SLC24A3: variants seen among roughly 807,000 people sequenced by gnomAD.
The protein encoded by SLC24A3 is solute carrier family 24 member 3.
Under a neutral mutation model 75.8 loss-of-function variants are expected in SLC24A3, and 28 were observed. The ratio of observed to expected loss-of-function variants is 0.37; its 90% CI spans 0.27 to 0.51. The LOEUF is 0.51. Among genes scored for constraint, SLC24A3 ranks in the 20% least tolerant of loss-of-function variants. The pLI is 0.94. For synonymous variants in SLC24A3, 372 were observed against 334.1 expected, an observed-to-expected ratio of 1.11 and a Z score of -1.24; for missense variants, 663 against 847.8, an observed-to-expected ratio of 0.78 and a Z score of 2.71.
At chr20:19,317,640 T>G (rs564491534) in intron 2 of SLC24A3, among the ~76,000 whole-genome samples, 1 of 152,192 alleles carries the variant, frequency 6.6e-6, no homozygotes, top group African/African-American at 2.4e-5. Context: ...GGAAGATCTG[T>G]TCCTCCTTTG....
intron 6 of SLC24A3, among the ~76,000 whole-genome samples, chr20:19,625,969 C>A (rs1480055088): frequency 1.3e-5 from 2 of 152,044 alleles, no homozygotes. Flanking sequence ...TTATTGAATT[C>A]TATTTTTCTT....
At chr20:19,365,318 A>G (rs1600449919) in intron 2 of SLC24A3, among the ~76,000 whole-genome samples, 1 of 152,306 alleles carries the variant, frequency 6.6e-6, no homozygotes, top group South Asian at 2.1e-4. Context: ...CCAGTGAATC[A>G]GGAACTCTGG....
chr20:19,283,547 T>G (rs1983719551), intron 2 of SLC24A3, among the ~76,000 whole-genome samples: 2 of 152,202 alleles, frequency 1.3e-5, no homozygotes, highest in South Asian at 4.1e-4. Context: ...GGTCAGAACT[T>G]GCAGTTGTCT....
At chr20:19,679,818 C>T (rs575808183) in intron 9 of SLC24A3, among the ~76,000 whole-genome samples, 56 of 152,280 alleles carry the variant, frequency 3.7e-4, no homozygotes, top group African/African-American at 1.3e-3. Flanking sequence ...AAATTCCACT[C>T]ATTAGAATTG....
chr20:19,549,462 C>G (rs188791849), intron 3 of SLC24A3, among the ~76,000 whole-genome samples: 2 of 152,222 alleles, frequency 1.3e-5, no homozygotes, highest in Admixed American at 1.3e-4. Context: ...TTTAATTGCT[C>G]AATGTATTTA....
chr20:19,647,882 C>T (rs1307568802), intron 6 of SLC24A3, among the ~76,000 whole-genome samples: 1 of 152,122 alleles, frequency 6.6e-6, no homozygotes, highest in East Asian at 1.9e-4. Flanking sequence ...ATTTGTTTTT[C>T]TCACACAAAA....
intron 6 of SLC24A3, among the ~76,000 whole-genome samples, chr20:19,619,092 C>T (rs1029608303): frequency 2.6e-5 from 4 of 152,154 alleles, no homozygotes; most frequent in African/African-American, 7.2e-5. Flanking sequence ...TTTTATTCTC[C>T]TCCCTCCCAT....
chr20:19,519,157 T>C (rs1009260136), intron 3 of SLC24A3, among the ~76,000 whole-genome samples: 3 of 152,306 alleles, frequency 2.0e-5, no homozygotes, highest in African/African-American at 7.2e-5. Context: ...ACACTTAGCA[T>C]TGGCACCTAC....
chr20:19,231,053 A>G (rs1173612273), intron 1 of SLC24A3, among the ~76,000 whole-genome samples: 1 of 152,212 alleles, frequency 6.6e-6, no homozygotes, highest in African/African-American at 2.4e-5. Flanking sequence ...CCACGTAATT[A>G]TCTCTGCAGA....
Position 19,462,939 on chromosome 20 carries a change from G to A in SLC24A3, c.272-52549G>A, listed in dbSNP as rs567741935. Among the ~76,000 whole-genome samples, 3 of 152,270 alleles carry A rather than the reference G, an allele frequency of 2.0e-5. No individual in the cohort carries two copies. The East Asian group carries it at 5.8e-4, about 29-fold the overall frequency. On this transcript the variant is annotated intron_variant, in intron 2 of 16. Coordinates refer to ENST00000328041, the MANE Select transcript of SLC24A3 (RefSeq NM_020689.4). ...CAAATTTTCACAGGTCATAGTTTGA[G>A]ATTCTGTTTCTAAGTGCCTGTCCCA... is the stretch of plus-strand genomic sequence containing the variant.
intron 3 of SLC24A3, among the ~76,000 whole-genome samples, chr20:19,534,780 G>A (rs558452054): frequency 1.3e-5 from 2 of 152,288 alleles, no homozygotes; most frequent in South Asian, 4.1e-4. Flanking sequence ...AGGCTCCTTA[G>A]CAAGTGTATA....
chr20:19,526,915 T>G (rs1600266672), intron 3 of SLC24A3, among the ~76,000 whole-genome samples: 1 of 152,308 alleles, frequency 6.6e-6, no homozygotes, highest in East Asian at 1.9e-4. Context: ...GACTTAGTAA[T>G]TGTTGGCCAT....
At chr20:19,635,791 G>C (rs1392429122) in intron 6 of SLC24A3, among the ~76,000 whole-genome samples, 1 of 152,124 alleles carries the variant, frequency 6.6e-6, no homozygotes, top group Admixed American at 6.5e-5. Context: ...GCAGCCTCAG[G>C]TTATCAGATT....
At chr20:19,594,757 G>A (rs948333252) in intron 6 of SLC24A3, among the ~76,000 whole-genome samples, 1 of 152,142 alleles carries the variant, frequency 6.6e-6, no homozygotes, top group Non-Finnish European at 1.5e-5. Context: ...GTGGGATAGT[G>A]GGATAGTGAG....
intron 8 of SLC24A3, among the ~76,000 whole-genome samples, chr20:19,673,036 G>A (rs1299476948): frequency 1.3e-5 from 2 of 152,196 alleles, no homozygotes; most frequent in Non-Finnish European, 2.9e-5. Flanking sequence ...AGAAGCTCAA[G>A]GCACATTCTA....
intron 2 of SLC24A3, among the ~76,000 whole-genome samples, chr20:19,507,150 A>G (rs1289506795): frequency 1.3e-5 from 2 of 152,230 alleles, no homozygotes; most frequent in Non-Finnish European, 2.9e-5. Flanking sequence ...ATTTATGACA[A>G]ATGTGTTAAT....
chr20:19,269,124 A>G (rs77598107), intron 1 of SLC24A3, among the ~76,000 whole-genome samples: 3,278 of 152,360 alleles, frequency 0.022, 42 homozygotes, highest in Non-Finnish European at 0.032. Context: ...ATTTGCATCA[A>G]TAAAATTAAA....
intron 3 of SLC24A3, among the ~76,000 whole-genome samples, chr20:19,535,875 T>C (rs80049908): frequency 0.099 from 14,995 of 152,070 alleles, 800 homozygotes; most frequent in South Asian, 0.11. Flanking sequence ...AAGTCCAAGA[T>C]CAAGAGGCTG....
intron 2 of SLC24A3, among the ~76,000 whole-genome samples, chr20:19,335,875 T>C (rs1341858240): frequency 2.0e-5 from 3 of 152,216 alleles, no homozygotes; most frequent in East Asian, 1.9e-4. Flanking sequence ...ATTTGACTCA[T>C]TTCATGCCAT....
Sources: gnomAD v4.1 joint callset for allele counts (sites outside exome capture counted in the v4.1 genomes callset) on GRCh38, gnomAD v4.1.1 for gene constraint, MANE v1.5 for transcripts, NCBI Gene and HGNC (gene_info 2026-07-23, HGNC 2026-07-21) for gene names.